The following DRC3 variants were observed in gnomAD, a reference collection of about 807,000 sequenced individuals.
DRC3 encodes the protein dynein regulatory complex subunit 3.
A neutral mutation model predicts 57.6 loss-of-function variants in DRC3; 45 were observed. The ratio of observed to expected loss-of-function variants is 0.78; its 90% CI spans 0.62 to 1.00. DRC3 has a LOEUF of 1.00. DRC3 is among the 50% of genes least tolerant of loss of function. The probability of loss-of-function intolerance (pLI) is 0.00; values close to 1 mark genes in which losing one functional copy is unlikely to be tolerated. For synonymous variants in DRC3, 257 were observed against 272.3 expected, an observed-to-expected ratio of 0.94 and a Z score of 0.55; for missense variants, 655 against 675.2, an observed-to-expected ratio of 0.97 and a Z score of 0.33.
chr17:18,012,018 T>A (rs1293134807), intron 12 of DRC3, among the ~76,000 whole-genome samples: 1 of 152,102 alleles, frequency 6.6e-6, no homozygotes, highest in Non-Finnish European at 1.5e-5. Context: ...GAGATGGGGT[T>A]TTACCAATGT....
intron 9 of DRC3, among the ~76,000 whole-genome samples, chr17:17,998,728 ATGT>A (rs1480741708): frequency 3.9e-5 from 6 of 152,034 alleles, no homozygotes; most frequent in Admixed American, 2.6e-4. Context: ...AGGGCCTCAC[ATGT>A]TGTGCGATTT....
chr17:17,992,402 T>G (rs777748962), intron 5 of DRC3, among the ~76,000 whole-genome samples: 2 of 152,274 alleles, frequency 1.3e-5, no homozygotes, highest in African/African-American at 2.4e-5. Context: ...GTGCTTTTTA[T>G]AGCTTATTTC....
chr17:17,983,724 A>T (rs1452881282), intron 3 of DRC3, 104 bp from the exon 4 acceptor site: 1 of 758,374 alleles, frequency 1.3e-6, no homozygotes, highest in African/African-American at 1.7e-5. Flanking sequence ...GGCAGGGCAG[A>T]AGAGTTCTAG....
chr17:17,984,018 A>T (rs910986586), intron 4 of DRC3, 74 bp downstream of exon 4: 4 of 939,026 alleles, frequency 4.3e-6, no homozygotes, highest in Non-Finnish European at 6.7e-6. Context: ...TTCCCAGGAG[A>T]CAATAATTGT....
At chr17:17,977,386 G>A (rs554582971) in intron 2 of DRC3, 196 bp from the exon 3 acceptor site, 15 of 598,868 alleles carry the variant, frequency 2.5e-5, no homozygotes, top group South Asian at 1.9e-4. Flanking sequence ...GACAGGCCCA[G>A]GTGGTTGCCA....
chr17:17,982,054 G>A (rs1462991340), intron 3 of DRC3, among the ~76,000 whole-genome samples: 6 of 149,734 alleles, frequency 4.0e-5, no homozygotes, highest in African/African-American at 9.9e-5. Flanking sequence ...GTTCAGTGGC[G>A]TAATCTAGGC....
At chr17:18,016,516 A>G (rs1344393491) in intron 13 of DRC3, 42 bp from the exon 14 acceptor site, 2 of 1,375,458 alleles carry the variant, frequency 1.5e-6, no homozygotes, top group Non-Finnish European at 2.1e-6. Flanking sequence ...ATATTAACCA[A>G]TGATCTGATG....
chr17:18,007,697 C>G, intron 12 of DRC3: 1 of 1,306,224 alleles, frequency 7.7e-7, no homozygotes, highest in South Asian at 1.8e-5. Context: ...CGCTGGGTCC[C>G]GCGGCAGCAT....
In DRC3 at chr17:17,993,940, C is replaced by T. The variant is rs372533983; in HGVS notation, c.592-359C>T. The T allele has an allele frequency of 1.0e-3, 276 of 270,034 alleles. 2 individuals are homozygous for T. The highest frequency in any genetic ancestry group is 5.9e-3 in the African/African-American group (265 of 44,676). 16.7% of individuals were successfully genotyped at this position (270,034 alleles called of 1,614,324 possible). A position where few individuals can be genotyped will look rare whatever the true frequency, so the allele number is the denominator to read the frequency against. On this transcript the variant is annotated intron_variant, in intron 6 of 13. Coordinates refer to ENST00000399187, the MANE Select transcript of DRC3 (RefSeq NM_031294.4). ...AGAGGGCCAGAAGGCCTGCTGAGGG[C>T]TGTTGGGAGTGAGAGAGCAAGTCCT...
rs542295171 is a variant in DRC3, at chr17:18,008,316, C to T, written c.1326+1169C>T. Among the ~76,000 whole-genome samples the T allele has an allele frequency of 6.6e-6, 1 of 152,358 alleles. No individual in the cohort carries two copies. The highest frequency in any genetic ancestry group is 2.1e-4 in the South Asian group (1 of 4,828). On this transcript the variant is annotated intron_variant, in intron 12 of 13. Coordinates refer to ENST00000399187, the MANE Select transcript of DRC3 (RefSeq NM_031294.4). This position sits in a 1 kb window ranked among gnomAD's most constrained non-coding sequence, Gnocchi z 4.3. ...AAAACCACTGTCTCTGTATCACATGCCCCATTTATCAGGTCAGGTCAGAGC... is the reference window on the plus strand; with the variant it reads ...AAAACCACTGTCTCTGTATCACATGTCCCATTTATCAGGTCAGGTCAGAGC...
intron 8 of DRC3, among the ~76,000 whole-genome samples, chr17:17,996,849 T>A (rs977461971): frequency 1.3e-5 from 2 of 152,190 alleles, no homozygotes; most frequent in Non-Finnish European, 2.9e-5. Flanking sequence ...CTGTAGGCTT[T>A]ACCTGGTTGA....
chr17:17,995,171 C>A, intron 8 of DRC3, 60 bp downstream of exon 8: 2 of 1,228,642 alleles, frequency 1.6e-6, no homozygotes, highest in African/African-American at 1.5e-5. Flanking sequence ...CTTGGCAAGG[C>A]CCCTTCCGCT....
chr17:18,016,513 C>T lies in DRC3; in HGVS notation c.1459-45C>T, dbSNP rs748988353. ...AACTGGATTCAGTGAAAGATATTAA[C>T]CAATGATCTGATGTAAGGAATCGGG... On this transcript the variant is annotated intron_variant, in intron 13 of 13. Transcript: ENST00000399187. The T allele has an allele frequency of 2.1e-5, 28 of 1,348,976 alleles. 1 individual carries two copies. The South Asian group carries it at 3.1e-4, about 15-fold the overall frequency. 83.6% of individuals were successfully genotyped at this position (1,348,976 alleles called of 1,614,324 possible).
At chr17:17,981,743 G>A (rs1031630746) in intron 3 of DRC3, among the ~76,000 whole-genome samples, 4 of 152,092 alleles carry the variant, frequency 2.6e-5, no homozygotes, top group African/African-American at 9.7e-5. Flanking sequence ...TGTCACCCAG[G>A]CTGCAGTGCA....
chr17:17,978,632 C>T (rs879687367), intron 3 of DRC3, among the ~76,000 whole-genome samples: 2 of 152,208 alleles, frequency 1.3e-5, no homozygotes, highest in African/African-American at 4.8e-5. Flanking sequence ...GCCAGGGACA[C>T]GACAGTGGGC....
At chr17:17,977,784 T>G in intron 3 of DRC3, 26 bp downstream of exon 3, 5 of 1,548,158 alleles carry the variant, frequency 3.2e-6, no homozygotes, top group Non-Finnish European at 4.4e-6. Flanking sequence ...TCAGGGGTGG[T>G]GGCCAGGGTG....
intron 5 of DRC3, among the ~76,000 whole-genome samples, chr17:17,991,141 G>C (rs1439105472): frequency 6.6e-6 from 1 of 152,048 alleles, no homozygotes; most frequent in African/African-American, 2.4e-5. Flanking sequence ...GTGACTAATA[G>C]TGTTTGCTGC....
intron 6 of DRC3, 116 bp downstream of exon 6, chr17:17,993,027 G>C: frequency 9.1e-7 from 1 of 1,100,996 alleles, no homozygotes. Flanking sequence ...AGGAGAGAAA[G>C]GGCAGCTCCC....
At position 18,008,990 on chromosome 17, in the gene DRC3, T is replaced by C. The variant is rs1304624344; in HGVS notation, c.1326+1843T>C. 6.6e-6 allele frequency among the ~76,000 whole-genome samples: 1 copy of C among 152,054 alleles called. No individual in the cohort carries two copies. Among genetic ancestry groups the C allele is most frequent in the Middle Eastern group, 3.2e-3 (1 of 316 alleles). ...CAGCCCTCCCTCCAGCCCAGCTGGCTCTGCCTGGTGCCAGCTGACCACCAT... is the reference window on the plus strand; with the variant it reads ...CAGCCCTCCCTCCAGCCCAGCTGGCCCTGCCTGGTGCCAGCTGACCACCAT... On this transcript the variant is annotated intron_variant, in intron 12 of 13. Coordinates refer to ENST00000399187, the MANE Select transcript of DRC3 (RefSeq NM_031294.4). The surrounding 1 kb of genome is among the most constrained non-coding windows in gnomAD (Gnocchi z 4.3).
Sources: gnomAD v4.1 joint callset for allele counts (sites outside exome capture counted in the v4.1 genomes callset) on GRCh38, gnomAD v4.1.1 for gene constraint, Gnocchi (gnomAD v3.1) non-coding constraint, MANE v1.5 for transcripts, NCBI Gene and HGNC (gene_info 2026-07-23, HGNC 2026-07-21) for gene names.